Variants in ACOT11 observed in about 807,000 individuals in gnomAD.
ACOT11 encodes the protein acyl-CoA thioesterase 11.
A neutral mutation model predicts 77.5 loss-of-function variants in ACOT11; 69 were observed. The ratio of observed to expected loss-of-function variants is 0.89; its 90% confidence interval spans 0.73 to 1.09. The LOEUF is 1.09. Ranked by LOEUF, ACOT11 falls within the 50% of genes least tolerant of loss-of-function variation. ACOT11 has a pLI of 0.00. For synonymous variants in ACOT11, 279 were observed against 313.0 expected, an observed-to-expected ratio of 0.89 and a Z score of 1.15; for missense variants, 766 against 813.7, an observed-to-expected ratio of 0.94 and a Z score of 0.71.
At chr1:54,614,176 TG>T (rs1644147244), downstream of ACOT11, among the ~76,000 whole-genome samples, 1 of 152,204 alleles carries the variant, frequency 6.6e-6, no homozygotes, top group Non-Finnish European at 1.5e-5. Context: ...TCTCTCTCTT[TG>T]TAAACTGTAG....
At chr1:54,611,291 C>T (rs140180133), downstream of ACOT11, among the ~76,000 whole-genome samples, 1,140 of 152,100 alleles carry the variant, frequency 7.5e-3, 8 homozygotes, top group Admixed American at 0.013. Flanking sequence ...AAAAATTAGC[C>T]GGGCATGGTG....
At chr1:54,563,072 C>T (rs903136217) in intron 1 of ACOT11, among the ~76,000 whole-genome samples, 2 of 151,252 alleles carry the variant, frequency 1.3e-5, no homozygotes, top group Non-Finnish European at 3.0e-5. Flanking sequence ...TCCTTGCCCT[C>T]GGGCCCTGCG....
chr1:54,557,063 A>G (rs2100940300), intron 1 of ACOT11, among the ~76,000 whole-genome samples: 1 of 151,608 alleles, frequency 6.6e-6, no homozygotes, highest in Middle Eastern at 3.4e-3. Context: ...GTGCCACCAC[A>G]CCTGGCAGAT....
chr1:54,565,052 C>T (rs891769898), intron 1 of ACOT11, among the ~76,000 whole-genome samples: 3 of 152,112 alleles, frequency 2.0e-5, no homozygotes, highest in South Asian at 2.1e-4. Flanking sequence ...ATCTCAGCAC[C>T]GTCTTCCCCC....
downstream of ACOT11, chr1:54,610,448 G>A (rs201589820): frequency 4.5e-5 from 72 of 1,613,518 alleles, no homozygotes; most frequent in Non-Finnish European, 5.6e-5. Flanking sequence ...CCGCTGCCCT[G>A]GACGTCAGGA....
In ACOT11 at chr1:54,627,337, A is replaced by G. The variant is rs549571140; in HGVS notation, c.1630-3397A>G. Among the ~76,000 whole-genome samples, 22 of 135,216 alleles carry G rather than the reference A, an allele frequency of 1.6e-4. 3 individuals are homozygous for G. The highest frequency in any genetic ancestry group is 5.3e-4 in the African/African-American group (21 of 39,762). The allele number at this position is 135,216 out of a possible 152,430, so 88.7% of individuals were successfully genotyped here. A position where few individuals can be genotyped will look rare whatever the true frequency, so the allele number is the denominator to read the frequency against. ...AGCTTCGCCACTCTCTTGGTTCCAA[A>G]GAGCTCTGCAGGATGTCTGGGAGGA... On this transcript the variant is annotated intron_variant, in intron 15 of 16. Transcript: ENST00000371316.
chr1:54,575,280 G>A (rs1654068247), intron 1 of ACOT11, among the ~76,000 whole-genome samples: 1 of 152,188 alleles, frequency 6.6e-6, no homozygotes, highest in South Asian at 2.1e-4. Context: ...AGATGTGAAT[G>A]GGAAAGCATT....
At chr1:54,604,129 G>C (rs1410437475) in intron 11 of ACOT11, among the ~76,000 whole-genome samples, 192 bp downstream of exon 11, 1 of 152,156 alleles carries the variant, frequency 6.6e-6, no homozygotes, top group Non-Finnish European at 1.5e-5. Context: ...CTGAGAGGCA[G>C]AGTAGCTTGT....
intron 1 of ACOT11, among the ~76,000 whole-genome samples, chr1:54,559,355 CCTGGG>C (rs1279149395): frequency 5.3e-5 from 8 of 152,214 alleles, no homozygotes; most frequent in African/African-American, 1.9e-4. Flanking sequence ...CTCACCTGTG[CCTGGG>C]CTGGAGCAGG....
exon 16 of ACOT11, chr1:54,630,832 T>C: frequency 2.6e-6 from 2 of 768,370 alleles, no homozygotes; most frequent in Non-Finnish European, 4.8e-6. Context: ...GGAGCGACGG[T>C]TGGAATGGAA....
At chr1:54,610,976 G>T, downstream of ACOT11, 2 of 985,418 alleles carry the variant, frequency 2.0e-6, no homozygotes, top group Non-Finnish European at 2.4e-6. Context: ...TGAAACATTA[G>T]AGTAACCAGC....
rs772185563 is a variant in ACOT11, at chr1:54,609,348, C to G, written c.*236C>G. ...TAGTAGACTCGGGTCCTGTCCACAG[C>G]CCTAGCTGCCAGCAATGCTGTCCTC... On this transcript the variant is annotated 3_prime_UTR_variant, in exon 16 of 16. Coordinates refer to ENST00000343744, the MANE Select transcript of ACOT11 (RefSeq NM_147161.4). The G allele has an allele frequency of 6.2e-7, 1 of 1,614,192 alleles. No individual in the cohort carries two copies. The highest frequency in any genetic ancestry group is 8.5e-7 in the Non-Finnish European group (1 of 1,180,020).
intron 1 of ACOT11, among the ~76,000 whole-genome samples, chr1:54,549,742 A>G (rs1652997568): frequency 6.6e-6 from 1 of 152,210 alleles, no homozygotes; most frequent in East Asian, 1.9e-4. Context: ...TGCTTAATGA[A>G]TGAATGGGGA....
chr1:54,610,085 AG>A lies in ACOT11; in HGVS notation c.*975del. ...ATCTGTCAACCCAGTTTTGGGCTCCAGGTGGATGGGTTGCTTTATAAATGTG... is the reference window on the plus strand; with the variant it reads ...ATCTGTCAACCCAGTTTTGGGCTCCAGTGGATGGGTTGCTTTATAAATGTG... On this transcript the variant is annotated 3_prime_UTR_variant, in exon 16 of 16. Coordinates refer to ENST00000343744, the MANE Select transcript of ACOT11 (RefSeq NM_147161.4). 1 of 1,435,972 alleles carries A rather than the reference AG, an allele frequency of 7.0e-7. No homozygotes were observed. The highest frequency in any genetic ancestry group is 9.1e-7 in the Non-Finnish European group (1 of 1,100,308). The allele number at this position is 1,435,972 out of a possible 1,614,324, so 89.0% of individuals were successfully genotyped here.
At chr1:54,631,026 G>C (rs969324922) in intron 16 of ACOT11, 1 of 428,002 alleles carries the variant, frequency 2.3e-6, no homozygotes. Flanking sequence ...AGGTTACAGA[G>C]CATGTTTATT....
At chr1:54,606,109 G>C (rs1187968192) in intron 13 of ACOT11, among the ~76,000 whole-genome samples, 1 of 152,208 alleles carries the variant, frequency 6.6e-6, no homozygotes, top group African/African-American at 2.4e-5. Flanking sequence ...TCCTGCTGAA[G>C]GTGTCTTTGC....
At chr1:54,587,652 C>A (rs1405390643) in intron 3 of ACOT11, among the ~76,000 whole-genome samples, 1 of 145,300 alleles carries the variant, frequency 6.9e-6, no homozygotes, top group Non-Finnish European at 1.5e-5. Context: ...ACCTCCACCT[C>A]CTGGGTTCAA....
intron 1 of ACOT11, among the ~76,000 whole-genome samples, chr1:54,562,440 G>A (rs1467278324): frequency 1.2e-5 from 1 of 84,960 alleles, no homozygotes; most frequent in Non-Finnish European, 2.2e-5. Flanking sequence ...GGCCGGGCGG[G>A]GGGCTGATCC....
chr1:54,579,275 T>C (rs896861341), intron 1 of ACOT11, among the ~76,000 whole-genome samples: 1 of 152,160 alleles, frequency 6.6e-6, no homozygotes, highest in Non-Finnish European at 1.5e-5. Context: ...CCCATGCAGC[T>C]CTCTTTGGCA....
Sources: gnomAD v4.1 joint callset for allele counts (sites outside exome capture counted in the v4.1 genomes callset) on GRCh38, gnomAD v4.1.1 for gene constraint, MANE v1.5 for transcripts, NCBI Gene and HGNC (gene_info 2026-07-23, HGNC 2026-07-21) for gene names.